The following TFDP2 variants were observed in gnomAD, a reference collection of about 807,000 sequenced individuals.
The protein encoded by TFDP2 is transcription factor Dp-2, also known as transcription factor Dp-2 (E2F dimerization partner 2).
TFDP2 carries 17 observed loss-of-function variants against 59.3 expected under a neutral mutation model. That is an observed-to-expected ratio of 0.29 (90% CI 0.20 to 0.43). The LOEUF (loss-of-function observed/expected upper bound fraction) is 0.43. Among genes scored for constraint, TFDP2 ranks in the 20% least tolerant of loss-of-function variants. The probability of loss-of-function intolerance (pLI) is 1.00; values close to 1 mark genes in which losing one functional copy is unlikely to be tolerated. For synonymous variants in TFDP2, 180 were observed against 194.7 expected, an observed-to-expected ratio of 0.92 and a Z score of 0.63; for missense variants, 391 against 528.8, an observed-to-expected ratio of 0.74 and a Z score of 2.56.
At position 141,974,058 on chromosome 3, in the gene TFDP2, T is replaced by A. The variant is rs1385529263; in HGVS notation, c.653A>T (p.Gln218Leu). The A allele has an allele frequency of 1.2e-6, 2 of 1,609,926 alleles. No individual in the cohort carries two copies. Among genetic ancestry groups the A allele is most frequent in the South Asian group, 2.2e-5 (2 of 89,850 alleles). ...GLPTNSAQEC[Q>L]NLEIEKQRRI... ...GATTTTCTCACTTACCTCCAGATTC[T>A]GACATTCCTGAGCAGAATTGGTAGG... The change falls in exon 8 of 13, where the codon CAG becomes CTG. Residue 218 changes from glutamine (Q) to leucine (L), a missense_variant. Physicochemically the swap from Gln to Leu is moderately radical, Grantham distance 113. Transcript: ENST00000489671.
intron 11 of TFDP2, among the ~76,000 whole-genome samples, chr3:141,957,742 A>C (rs951106103): frequency 6.6e-6 from 1 of 152,222 alleles, no homozygotes; most frequent in Non-Finnish European, 1.5e-5. Context: ...GGTTCCATTC[A>C]CATAAAGCGT....
chr3:142,061,195 A>C (rs925640841), intron 3 of TFDP2, among the ~76,000 whole-genome samples: 1 of 152,224 alleles, frequency 6.6e-6, no homozygotes, highest in African/African-American at 2.4e-5. Context: ...CCTTGAAATA[A>C]AGTTAAAATA....
intron 12 of TFDP2, 36 bp from the exon 13 acceptor site, chr3:141,952,732 G>A (rs1576433853): frequency 3.7e-6 from 6 of 1,604,870 alleles, no homozygotes; most frequent in Non-Finnish European, 5.1e-6. Context: ...GCTCATTAAT[G>A]TGGTATAAAC....
intron 3 of TFDP2, among the ~76,000 whole-genome samples, chr3:142,042,689 TATATATAGC>T (rs1560078065): frequency 6.7e-6 from 1 of 148,388 alleles, no homozygotes; most frequent in Non-Finnish European, 1.5e-5. Flanking sequence ...TGATGAATTT[TATATATAGC>T]TTTTTGTAGC....
chr3:142,014,649 C>T (rs1008308915), intron 3 of TFDP2, among the ~76,000 whole-genome samples: 3 of 152,144 alleles, frequency 2.0e-5, no homozygotes, highest in Non-Finnish European at 2.9e-5. Flanking sequence ...TCTGTCACCT[C>T]AACTGGCCCT....
intron 8 of TFDP2, among the ~76,000 whole-genome samples, chr3:141,973,117 A>T (rs1298409420): frequency 2.0e-3 from 182 of 91,852 alleles, no homozygotes; most frequent in South Asian, 0.012. Flanking sequence ...ATATATATAT[A>T]TATATATTTT....
intron 6 of TFDP2, among the ~76,000 whole-genome samples, chr3:141,983,545 T>C (rs1000266529): frequency 6.7e-6 from 1 of 148,836 alleles, no homozygotes; most frequent in African/African-American, 2.5e-5. Flanking sequence ...GGCTGAGGCA[T>C]GAGAATCACT....
chr3:142,040,013 C>T (rs1192401809), intron 3 of TFDP2, among the ~76,000 whole-genome samples: 1 of 152,122 alleles, frequency 6.6e-6, no homozygotes, highest in African/African-American at 2.4e-5. Context: ...GAGAGGCGTG[C>T]CTATATCCAG....
chr3:141,967,406 C>A (rs1044304628), intron 9 of TFDP2, among the ~76,000 whole-genome samples: 1 of 151,332 alleles, frequency 6.6e-6, no homozygotes, highest in Non-Finnish European at 1.5e-5. Flanking sequence ...GATTATCCTG[C>A]CTTAGCCTCC....
At position 142,131,086 on chromosome 3, in the gene TFDP2, A is replaced by G. The variant is rs961163676; in HGVS notation, c.-93+18097T>C. On this transcript the variant is annotated intron_variant, in intron 1 of 12. Coordinates refer to ENST00000489671, the MANE Select transcript of TFDP2 (RefSeq NM_001178139.2). Reference sequence around the variant, plus strand: ...AAAAAAAAAGGGAAAACAAAATACAATTGCTATTTACAAGAAACATGCCTA... The same window carrying G: ...AAAAAAAAAGGGAAAACAAAATACAGTTGCTATTTACAAGAAACATGCCTA... Among the ~76,000 whole-genome samples, 2 of 149,486 alleles carry G rather than the reference A, an allele frequency of 1.3e-5. 1 individual carries two copies. The highest frequency in any genetic ancestry group is 5.1e-5 in the African/African-American group (2 of 39,254).
chr3:142,107,908 A>G (rs1045713503), intron 1 of TFDP2, among the ~76,000 whole-genome samples: 1 of 152,188 alleles, frequency 6.6e-6, no homozygotes, highest in Non-Finnish European at 1.5e-5. Context: ...ATGATAACCT[A>G]CTATGCTGAA....
chr3:142,060,823 G>A (rs528938200), intron 3 of TFDP2, among the ~76,000 whole-genome samples: 1 of 152,268 alleles, frequency 6.6e-6, no homozygotes, highest in South Asian at 2.1e-4. Context: ...AAACATCTGG[G>A]TAGTGCTTTA....
At chr3:142,000,162 T>G (rs564546294) in intron 4 of TFDP2, 1 of 642,940 alleles carries the variant, frequency 1.6e-6, no homozygotes, top group East Asian at 2.7e-5. Context: ...CAAACCACCT[T>G]AGACTGGGTA....
chr3:142,042,402 C>T (rs1947022556), intron 3 of TFDP2, among the ~76,000 whole-genome samples: 1 of 151,990 alleles, frequency 6.6e-6, no homozygotes, highest in African/African-American at 2.4e-5. Context: ...AGTGATTCTC[C>T]TGCCTCAGCC....
At chr3:142,020,529 C>T (rs1945506176) in intron 3 of TFDP2, among the ~76,000 whole-genome samples, 1 of 150,832 alleles carries the variant, frequency 6.6e-6, no homozygotes, top group African/African-American at 2.4e-5. Context: ...AGCAAGACTC[C>T]GTCTCGGGGG....
intron 6 of TFDP2, among the ~76,000 whole-genome samples, chr3:141,990,096 G>A (rs1264755554): frequency 6.6e-5 from 10 of 151,974 alleles, no homozygotes; most frequent in African/African-American, 2.2e-4. Context: ...GTTTCACCAG[G>A]TTGGCCAGGC....
Position 141,945,726 on chromosome 3 carries a change from G to A in TFDP2, c.*6787C>T, listed in dbSNP as rs1310606160. 1 of 152,256 alleles carries A rather than the reference G, an allele frequency of 6.6e-6. No individual in the cohort carries two copies. Among genetic ancestry groups the A allele is most frequent in the Admixed American group, 6.5e-5 (1 of 15,284 alleles). The allele number at this position is 152,256 out of a possible 1,614,324, so 9.4% of individuals were successfully genotyped here. On this transcript the variant is annotated 3_prime_UTR_variant, in exon 13 of 13. Coordinates refer to ENST00000489671, the MANE Select transcript of TFDP2 (RefSeq NM_001178139.2). ...TGAACAAGCACAATCGCCAGGCCAT[G>A]TGACATGAAGCTCGGCCATGGTGAA...
chr3:141,973,105 A>G (rs1443056556), intron 8 of TFDP2, among the ~76,000 whole-genome samples: 8 of 109,206 alleles, frequency 7.3e-5, no homozygotes, highest in African/African-American at 2.8e-4. Context: ...ATATATATAT[A>G]TATATATATA....
At chr3:141,958,529 A>G (rs988893774) in intron 11 of TFDP2, among the ~76,000 whole-genome samples, 6 of 152,086 alleles carry the variant, frequency 3.9e-5, no homozygotes, top group African/African-American at 1.4e-4. Flanking sequence ...GAGAATGGTT[A>G]TATTTGAGGG....
Sources: allele counts gnomAD v4.1 joint callset (sites outside exome capture counted in the v4.1 genomes callset), GRCh38; gene constraint gnomAD v4.1.1; transcripts MANE v1.5; gene names NCBI Gene and HGNC (gene_info 2026-07-23, HGNC 2026-07-21).